The following ITGA9 variants were observed in gnomAD, a reference collection of about 807,000 sequenced individuals.
The protein encoded by ITGA9 is integrin alpha-9.
ITGA9 carries 56 observed loss-of-function variants against 127.8 expected under a neutral mutation model. The observed-to-expected ratio is 0.44, with a 90% CI of 0.35 to 0.55. The LOEUF (loss-of-function observed/expected upper bound fraction) is 0.55, where lower values mean the gene tolerates loss of function less well. Ranked by LOEUF, ITGA9 falls within the 20% of genes least tolerant of loss-of-function variation. The pLI, the probability that ITGA9 is intolerant of heterozygous loss-of-function variation, is 0.00. For synonymous variants in ITGA9, 508 were observed against 514.5 expected (o/e 0.99, Z 0.17); for missense variants, 1,196 against 1,347.1 (o/e 0.89, Z 1.76).
At chr3:37,521,731 C>A (rs140499701) in intron 11 of ITGA9, among the ~76,000 whole-genome samples, 2 of 152,226 alleles carry the variant, frequency 1.3e-5, no homozygotes, top group African/African-American at 4.8e-5. Context: ...GATCCAGGGG[C>A]AGGCTGCTGC....
intron 18 of ITGA9, among the ~76,000 whole-genome samples, chr3:37,689,501 C>T (rs774530603): frequency 7.9e-5 from 12 of 152,218 alleles, no homozygotes; most frequent in Non-Finnish European, 1.6e-4. Context: ...ACCGTGTTGC[C>T]TGCCGGGCAA....
intron 16 of ITGA9, among the ~76,000 whole-genome samples, chr3:37,643,973 A>G (rs1700355081): frequency 6.6e-6 from 1 of 152,082 alleles, no homozygotes; most frequent in Non-Finnish European, 1.5e-5. Flanking sequence ...TGAACTTCCT[A>G]GCTGTTTTCT....
chr3:37,548,321 T>C (rs1227591512), intron 15 of ITGA9, among the ~76,000 whole-genome samples: 1 of 152,168 alleles, frequency 6.6e-6, no homozygotes, highest in Non-Finnish European at 1.5e-5. Flanking sequence ...GATGATTGAC[T>C]TCAAAGAGGG....
In ITGA9 at chr3:37,814,032, A is replaced by G. The variant is rs1036190819; in HGVS notation, c.3010-4859A>G. Reference sequence around the variant, plus strand: ...ACAGATTTTTAAAAATTGAAAATTGAATTTTCAAAAAATTTCTCAAAAATC... The same window carrying G: ...ACAGATTTTTAAAAATTGAAAATTGGATTTTCAAAAAATTTCTCAAAAATC... On this transcript the variant is annotated intron_variant, in intron 27 of 27. Coordinates refer to ENST00000264741, the MANE Select transcript of ITGA9 (RefSeq NM_002207.3). This position sits in a 1 kb window ranked among gnomAD's most constrained non-coding sequence, Gnocchi z 4.3. Among the ~76,000 whole-genome samples, 1 of 152,230 alleles carries G rather than the reference A, an allele frequency of 6.6e-6. No individual in the cohort carries two copies. Among genetic ancestry groups the G allele is most frequent in the African/African-American group, 2.4e-5 (1 of 41,454 alleles).
chr3:37,789,604 C>CA (rs201164890), intron 26 of ITGA9, among the ~76,000 whole-genome samples: 51,281 of 137,444 alleles, frequency 0.37, 9,654 homozygotes, highest in East Asian at 0.46. Flanking sequence ...CTAAAAAATA[C>CA]CAAAAAAAAA....
intron 16 of ITGA9, among the ~76,000 whole-genome samples, chr3:37,637,920 G>T (rs190239215): frequency 6.6e-6 from 1 of 152,232 alleles, no homozygotes; most frequent in Non-Finnish European, 1.5e-5. Flanking sequence ...TGATCTGTCC[G>T]CCTTGACCTC....
chr3:37,526,197 T>A (rs1269065696), intron 13 of ITGA9, 126 bp downstream of exon 13: 1 of 818,788 alleles, frequency 1.2e-6, no homozygotes, highest in Non-Finnish European at 2.1e-6. Context: ...TAAGTGGAAA[T>A]GCTACCTTAT....
intron 1 of ITGA9, among the ~76,000 whole-genome samples, chr3:37,461,363 G>C (rs1044074214): frequency 1.3e-5 from 2 of 152,178 alleles, no homozygotes; most frequent in Non-Finnish European, 2.9e-5. Context: ...TCAGCTGTTT[G>C]AACCTCAGTT....
chr3:37,518,093 C>CGTGTGTGTGTGTGTGTACGCGT (rs1553643686), intron 10 of ITGA9, among the ~76,000 whole-genome samples: 1 of 144,214 alleles, frequency 6.9e-6, no homozygotes, highest in South Asian at 2.3e-4. Context: ...AGAGTGTACG[C>CGTGTGTGTGTGTGTGTACGCGT]GTGTGTGTGT....
At chr3:37,660,807 G>A (rs1210961911) in intron 17 of ITGA9, among the ~76,000 whole-genome samples, 1 of 152,204 alleles carries the variant, frequency 6.6e-6, no homozygotes, top group Admixed American at 6.5e-5. Context: ...CATGCATCTG[G>A]GTTCAGCAGA....
rs138754256 is a variant in ITGA9, at chr3:37,809,231, G to C, written c.3009+5289G>C. Reference sequence around the variant, plus strand: ...CTCCTGAGTAGCTGGGATTACAGGTGCCTGCCACCAAGCCTGGCTAAGTTT... The same window carrying C: ...CTCCTGAGTAGCTGGGATTACAGGTCCCTGCCACCAAGCCTGGCTAAGTTT... On this transcript the variant is annotated intron_variant, in intron 27 of 27. Coordinates refer to ENST00000264741, the MANE Select transcript of ITGA9 (RefSeq NM_002207.3). Among the ~76,000 whole-genome samples the C allele has an allele frequency of 6.4e-3, 970 of 151,858 alleles. 10 individuals carry two copies. The highest frequency in any genetic ancestry group is 0.022 in the African/African-American group (915 of 41,392).
intron 15 of ITGA9, among the ~76,000 whole-genome samples, chr3:37,628,348 G>T (rs574520380): frequency 2.0e-5 from 3 of 152,292 alleles, no homozygotes; most frequent in African/African-American, 7.2e-5. Context: ...TTGTGAGATT[G>T]TGGGGGCCAG....
intron 1 of ITGA9, among the ~76,000 whole-genome samples, chr3:37,458,938 C>T (rs1040310155): frequency 8.5e-5 from 13 of 152,186 alleles, no homozygotes; most frequent in African/African-American, 3.1e-4. Flanking sequence ...ATCCTTTTAG[C>T]CAAGTGGATT....
rs1391384999 is a variant in ITGA9, at chr3:37,820,943, A to T, written c.*1954A>T. ...CTGGGAAGACAGATTTTTAATACACATACTTGGCTAATACTCACAAACATA... is the reference window on the plus strand; with the variant it reads ...CTGGGAAGACAGATTTTTAATACACTTACTTGGCTAATACTCACAAACATA... On this transcript the variant is annotated 3_prime_UTR_variant, in exon 28 of 28. Transcript: ENST00000264741. 1 of 152,192 alleles carries T rather than the reference A, an allele frequency of 6.6e-6. No individual in the cohort carries two copies. The highest frequency in any genetic ancestry group is 2.4e-5 in the African/African-American group (1 of 41,430). The allele number at this position is 152,192 out of a possible 1,614,324, so 9.4% of individuals were successfully genotyped here. A position where few individuals can be genotyped will look rare whatever the true frequency, so the allele number is the denominator to read the frequency against.
At chr3:37,500,584 A>AT (rs551710679) in intron 5 of ITGA9, among the ~76,000 whole-genome samples, 211 of 151,498 alleles carry the variant, frequency 1.4e-3, no homozygotes, top group Non-Finnish European at 2.5e-3. Context: ...TCCTCTCTCT[A>AT]TTTTTTTTCT....
rs867564448 is a variant in ITGA9 at position 37,670,191 on chromosome 3, G to A, written c.1917-13674G>A. ...AAAAAATTCTCATCTAAACCGCCAGGCTTAAAGGTGGCTCCTTGTCAGTCC... is the reference window on the plus strand; with the variant it reads ...AAAAAATTCTCATCTAAACCGCCAGACTTAAAGGTGGCTCCTTGTCAGTCC... On this transcript the variant is annotated intron_variant, in intron 17 of 27. Transcript: ENST00000264741. Among the ~76,000 whole-genome samples, 8 of 152,068 alleles carry A rather than the reference G, an allele frequency of 5.3e-5. No homozygotes were observed. The East Asian group carries it at 1.4e-3, about 26-fold the overall frequency.
rs746326982 is a variant in ITGA9 at position 37,481,614 on chromosome 3, A to G, written c.544+7A>G. ...CTGATCCCTTGCTATGAAGGTGAGCATGGATTGATTTTTCCTCATCCCCCT... is the reference window on the plus strand; with the variant it reads ...CTGATCCCTTGCTATGAAGGTGAGCGTGGATTGATTTTTCCTCATCCCCCT... On this transcript the variant is annotated splice_region_variant and intron_variant, in intron 4 of 27. Coordinates refer to ENST00000264741, the MANE Select transcript of ITGA9 (RefSeq NM_002207.3). The G allele has an allele frequency of 3.1e-6, 5 of 1,614,012 alleles. No homozygotes were observed. The highest frequency in any genetic ancestry group is 2.5e-6 in the Non-Finnish European group (3 of 1,180,006).
intron 8 of ITGA9, among the ~76,000 whole-genome samples, chr3:37,510,176 AT>A (rs5848026): frequency 2.0e-5 from 3 of 150,454 alleles, no homozygotes; most frequent in South Asian, 4.2e-4. Context: ...AAATTTTTGT[AT>A]TTTTTTTTGT....
At chr3:37,718,115 A>G (rs1701153559) in intron 18 of ITGA9, among the ~76,000 whole-genome samples, 1 of 152,266 alleles carries the variant, frequency 6.6e-6, no homozygotes, top group Non-Finnish European at 1.5e-5. Context: ...ACAAAGGCAT[A>G]TGGCCCAACA....
Sources: gnomAD v4.1 joint callset for allele counts (sites outside exome capture counted in the v4.1 genomes callset) on GRCh38, gnomAD v4.1.1 for gene constraint, Gnocchi (gnomAD v3.1) non-coding constraint, MANE v1.5 for transcripts, NCBI Gene and HGNC (gene_info 2026-07-23, HGNC 2026-07-21) for gene names.